PCDH9: variants seen among roughly 807,000 people sequenced by gnomAD.
PCDH9 encodes the protein protocadherin 9.
A neutral mutation model predicts 70.6 loss-of-function variants in PCDH9; 24 were observed. That is an observed-to-expected ratio of 0.34 (90% CI 0.25 to 0.48). PCDH9 has a LOEUF of 0.48. Among genes scored for constraint, PCDH9 ranks in the 20% least tolerant of loss-of-function variants. The probability of loss-of-function intolerance (pLI) is 0.99; values close to 1 mark genes in which losing one functional copy is unlikely to be tolerated. For missense variants in PCDH9, 1,281 were observed against 1,503.6 expected, an observed-to-expected ratio of 0.85 and a Z score of 2.45; for synonymous variants, 562 against 558.5, an observed-to-expected ratio of 1.01 and a Z score of -0.09.
chr13:66,667,986 T>G (rs1455833086), intron 3 of PCDH9, among the ~76,000 whole-genome samples: 1 of 152,204 alleles, frequency 6.6e-6, no homozygotes, highest in Non-Finnish European at 1.5e-5. Flanking sequence ...AATTATGTAT[T>G]TCTTTGCACA....
In PCDH9 at chr13:66,534,051, A is replaced by G. The variant is rs1250719057; in HGVS notation, c.3340+97159T>C. Among the ~76,000 whole-genome samples, 9 of 152,148 alleles carry G rather than the reference A, an allele frequency of 5.9e-5. 1 individual carries two copies. Among genetic ancestry groups the G allele is most frequent in the Admixed American group, 5.9e-4 (9 of 15,262 alleles). ...GCTTTTAGAAGTGGTATTTTCATTA[A>G]TGTATATTGAGATTTCAACTTTGGA... On this transcript the variant is annotated intron_variant, in intron 4 of 4. Transcript: ENST00000377865.
At chr13:66,572,765 T>A (rs545544162) in intron 4 of PCDH9, among the ~76,000 whole-genome samples, 2 of 152,204 alleles carry the variant, frequency 1.3e-5, no homozygotes, top group East Asian at 3.9e-4. Context: ...TTCTTTTTTC[T>A]TTCTTTTTTC....
At chr13:66,770,082 G>T (rs2079782480) in intron 3 of PCDH9, among the ~76,000 whole-genome samples, 1 of 152,122 alleles carries the variant, frequency 6.6e-6, no homozygotes, top group Non-Finnish European at 1.5e-5. Flanking sequence ...GGGAAATAGG[G>T]TTGCATGCAT....
At chr13:66,825,768 C>A (rs1207558316) in intron 3 of PCDH9, among the ~76,000 whole-genome samples, 1 of 152,072 alleles carries the variant, frequency 6.6e-6, no homozygotes, top group Admixed American at 6.5e-5. Flanking sequence ...CTCACACATC[C>A]AACAACTACT....
chr13:67,038,686 T>C (rs1224158232), intron 2 of PCDH9, among the ~76,000 whole-genome samples: 2 of 152,224 alleles, frequency 1.3e-5, no homozygotes, highest in African/African-American at 4.8e-5. Flanking sequence ...TGTGATATTA[T>C]GCTAGAATAA....
chr13:66,444,787 C>T (rs1250672767), intron 4 of PCDH9, among the ~76,000 whole-genome samples: 1 of 152,004 alleles, frequency 6.6e-6, no homozygotes, highest in Non-Finnish European at 1.5e-5. Context: ...TCCTGAACCC[C>T]TGACCTCAGG....
At chr13:66,852,538 T>C (rs1188230172) in intron 3 of PCDH9, among the ~76,000 whole-genome samples, 3 of 152,190 alleles carry the variant, frequency 2.0e-5, no homozygotes. Flanking sequence ...GAACTGAGAC[T>C]GAGAGGAATA....
At chr13:66,900,784 C>A (rs180903958) in intron 3 of PCDH9, among the ~76,000 whole-genome samples, 1 of 151,432 alleles carries the variant, frequency 6.6e-6, no homozygotes, top group African/African-American at 2.4e-5. Flanking sequence ...TAGTTTTCTA[C>A]AGTTAAATAT....
At chr13:66,965,917 T>C (rs1264837636) in intron 2 of PCDH9, among the ~76,000 whole-genome samples, 5 of 152,054 alleles carry the variant, frequency 3.3e-5, no homozygotes, top group Non-Finnish European at 7.4e-5. Flanking sequence ...TACCAAGTCA[T>C]ATATTAAGAG....
chr13:66,738,250 A>T (rs1200673801), intron 3 of PCDH9, among the ~76,000 whole-genome samples: 39 of 151,104 alleles, frequency 2.6e-4, no homozygotes, highest in Non-Finnish European at 5.2e-4. Context: ...CTCACACGGC[A>T]GGGTATTCCA....
In PCDH9 at chr13:67,004,024, T is replaced by G. The variant is rs74865675; in HGVS notation, c.3037-100419A>C. Among the ~76,000 whole-genome samples the G allele has an allele frequency of 8.7e-3, 1,329 of 152,208 alleles. 67 individuals carry two copies. In the East Asian group the frequency reaches 0.12, roughly 14 times the overall value. On this transcript the variant is annotated intron_variant, in intron 2 of 4. Coordinates refer to ENST00000377865, the MANE Select transcript of PCDH9 (RefSeq NM_203487.3). The stretch of plus-strand genomic sequence containing the variant: ...GTCCCATTAGTTTTGATGAAGTTCT[T>G]TGAGAAACTGAGAAGAGAAAAATGC...
At chr13:66,858,363 G>A (rs1432033126) in intron 3 of PCDH9, among the ~76,000 whole-genome samples, 2 of 152,040 alleles carry the variant, frequency 1.3e-5, no homozygotes, top group Non-Finnish European at 2.9e-5. Flanking sequence ...TTCTTCTTGT[G>A]GTACAGATGA....
intron 2 of PCDH9, among the ~76,000 whole-genome samples, chr13:67,052,161 A>G (rs958837717): frequency 7.9e-5 from 12 of 152,240 alleles, no homozygotes; most frequent in Admixed American, 5.2e-4. Flanking sequence ...AAACTCTGGG[A>G]GATATCAATA....
At chr13:66,452,086 C>A (rs1315838672) in intron 4 of PCDH9, among the ~76,000 whole-genome samples, 2 of 152,072 alleles carry the variant, frequency 1.3e-5, no homozygotes, top group Non-Finnish European at 2.9e-5. Context: ...CATATCACTG[C>A]AATCAATAAC....
intron 4 of PCDH9, among the ~76,000 whole-genome samples, chr13:66,364,720 A>G (rs1481080812): frequency 1.3e-5 from 2 of 152,168 alleles, no homozygotes; most frequent in East Asian, 1.9e-4. Flanking sequence ...AATGATCTCT[A>G]TATAAGAAAG....
chr13:67,132,348 T>TC (rs1451518722), intron 2 of PCDH9, among the ~76,000 whole-genome samples: 1 of 152,062 alleles, frequency 6.6e-6, no homozygotes, highest in Non-Finnish European at 1.5e-5. Context: ...ACCTGCATCT[T>TC]CCCCCATGCC....
At chr13:67,133,954 C>A (rs1392490988) in intron 2 of PCDH9, among the ~76,000 whole-genome samples, 4 of 152,164 alleles carry the variant, frequency 2.6e-5, no homozygotes, top group African/African-American at 7.2e-5. Flanking sequence ...TCATTAAAAA[C>A]ATAGAACTGA....
intron 2 of PCDH9, among the ~76,000 whole-genome samples, chr13:67,012,747 G>A (rs989443207): frequency 4.6e-5 from 7 of 151,886 alleles, no homozygotes; most frequent in South Asian, 4.1e-4. Context: ...AATAGTTAAC[G>A]CTAAAACACT....
chr13:66,390,761 C>A (rs573284133), intron 4 of PCDH9, among the ~76,000 whole-genome samples: 96 of 151,368 alleles, frequency 6.3e-4, no homozygotes, highest in South Asian at 3.6e-3. Context: ...TGGGCAAAAT[C>A]ATCCCACCTA....
Sources: allele counts gnomAD v4.1 joint callset (sites outside exome capture counted in the v4.1 genomes callset), GRCh38; gene constraint gnomAD v4.1.1; transcripts MANE v1.5; gene names NCBI Gene and HGNC (gene_info 2026-07-23, HGNC 2026-07-21).